PPM1E: variants seen among roughly 807,000 people sequenced by gnomAD.
PPM1E encodes protein phosphatase, Mg2+/Mn2+ dependent 1E.
In PPM1E, 20 loss-of-function variants were observed where a neutral mutation model predicts 65.9. That is an observed-to-expected ratio of 0.30 (90% CI 0.21 to 0.44). The LOEUF (loss-of-function observed/expected upper bound fraction) is 0.44, where lower values mean the gene tolerates loss of function less well. Among genes scored for constraint, PPM1E ranks in the 20% least tolerant of loss-of-function variants. The probability of loss-of-function intolerance (pLI) is 1.00; values close to 1 mark genes in which losing one functional copy is unlikely to be tolerated. For synonymous variants in PPM1E, 352 were observed against 374.9 expected, an observed-to-expected ratio of 0.94 and a Z score of 0.70; for missense variants, 713 against 953.1, an observed-to-expected ratio of 0.75 and a Z score of 3.32.
chr17:58,967,877 C>T (rs1251944323), intron 3 of PPM1E, among the ~76,000 whole-genome samples: 1 of 151,394 alleles, frequency 6.6e-6, no homozygotes, highest in Non-Finnish European at 1.5e-5. Context: ...GATCTCGACT[C>T]ACTGCAACCT....
At chr17:58,885,838 C>A (rs1192130704) in intron 1 of PPM1E, among the ~76,000 whole-genome samples, 2 of 152,206 alleles carry the variant, frequency 1.3e-5, no homozygotes, top group African/African-American at 4.8e-5. Flanking sequence ...CCAACCAAGT[C>A]AGGGGTGTAT....
chr17:58,830,766 A>G (rs1186427619), intron 1 of PPM1E, among the ~76,000 whole-genome samples: 1 of 151,002 alleles, frequency 6.6e-6, no homozygotes, highest in Non-Finnish European at 1.5e-5. Context: ...GCTCACTGCA[A>G]CCTCTGCCTC....
chr17:58,970,582 A>G (rs1190879627), intron 4 of PPM1E, among the ~76,000 whole-genome samples: 1 of 152,228 alleles, frequency 6.6e-6, no homozygotes. Context: ...TAGCATAGTT[A>G]TGCTACAAGC....
At chr17:58,954,181 C>T (rs2052281895) in intron 1 of PPM1E, among the ~76,000 whole-genome samples, 1 of 152,202 alleles carries the variant, frequency 6.6e-6, no homozygotes, top group Non-Finnish European at 1.5e-5. Context: ...GACCAAAACC[C>T]AGGACTCAGA....
intron 1 of PPM1E, among the ~76,000 whole-genome samples, chr17:58,783,256 G>A (rs1488277001): frequency 6.6e-6 from 1 of 152,162 alleles, no homozygotes; most frequent in Non-Finnish European, 1.5e-5. Context: ...GTAGCAACAA[G>A]GAGTTAACAG....
chr17:58,791,208 T>C (rs2050154710), intron 1 of PPM1E, among the ~76,000 whole-genome samples: 2 of 152,158 alleles, frequency 1.3e-5, no homozygotes, highest in African/African-American at 4.8e-5. Context: ...TGAATTGTTT[T>C]AAGCCACTAA....
intron 1 of PPM1E, among the ~76,000 whole-genome samples, chr17:58,827,911 A>AAAAAAAT (rs777546701): frequency 6.9e-4 from 100 of 144,698 alleles, no homozygotes; most frequent in African/African-American, 1.9e-3. Flanking sequence ...CAAAAAAAAA[A>AAAAAAAT]AATAATAATA....
chr17:58,863,786 C>T (rs912506430), intron 1 of PPM1E, among the ~76,000 whole-genome samples: 16 of 152,056 alleles, frequency 1.1e-4, no homozygotes, highest in African/African-American at 3.9e-4. Flanking sequence ...GTGTCCCAAC[C>T]GAACACCTCT....
intron 1 of PPM1E, among the ~76,000 whole-genome samples, chr17:58,779,008 C>T (rs1452058672): frequency 2.8e-5 from 4 of 143,076 alleles, no homozygotes; most frequent in Non-Finnish European, 6.0e-5. Flanking sequence ...CAAGTGAGCA[C>T]TTTTTAAAAT....
At chr17:58,819,873 C>T (rs2050462563) in intron 1 of PPM1E, among the ~76,000 whole-genome samples, 1 of 151,920 alleles carries the variant, frequency 6.6e-6, no homozygotes, top group African/African-American at 2.4e-5. Context: ...CCTGTCTCTA[C>T]TAAAACTACA....
rs538791992 is a variant in PPM1E, at chr17:58,858,919, T to A, written c.465-96730T>A. 3.0e-3 allele frequency among the ~76,000 whole-genome samples: 455 copies of A among 152,386 alleles called. 2 individuals are homozygous for A. Among genetic ancestry groups the A allele is most frequent in the Middle Eastern group, 0.017 (5 of 294 alleles). On this transcript the variant is annotated intron_variant, in intron 1 of 6. Transcript: ENST00000308249. ...GGAACCTCCATATTGTTCTCCAGAT[T>A]GGCTGAAAAGCCATTACATTTTTAA... is the stretch of plus-strand genomic sequence containing the variant.
intron 1 of PPM1E, among the ~76,000 whole-genome samples, chr17:58,815,880 A>G (rs2050409969): frequency 6.6e-6 from 1 of 152,130 alleles, no homozygotes. Context: ...CTATTTTCAT[A>G]TTTGAAAATA....
In PPM1E at chr17:58,938,819, G is replaced by A. The variant is rs926849454; in HGVS notation, c.465-16830G>A. On this transcript the variant is annotated intron_variant, in intron 1 of 6. Coordinates refer to ENST00000308249, the MANE Select transcript of PPM1E (RefSeq NM_014906.5). ...TTTTTTTTTTTTTTTGAGGAGTTTC[G>A]CTCTTGTTGCCTAGGCTGGAGTGCA... 9.8e-5 allele frequency among the ~76,000 whole-genome samples: 12 copies of A among 122,612 alleles called. No individual in the cohort carries two copies. The South Asian group carries it at 9.9e-4, about 10-fold the overall frequency. The allele number at this position is 122,612 out of a possible 152,430, so 80.4% of individuals were successfully genotyped here.
Position 58,982,465 on chromosome 17 carries a change from AG to A in PPM1E, c.*1437del, listed in dbSNP as rs2143843551. The A allele has an allele frequency of 6.3e-6, 1 of 158,492 alleles. No homozygotes were observed. The highest frequency in any genetic ancestry group is 2.4e-5 in the African/African-American group (1 of 41,636). The allele number at this position is 158,492 out of a possible 1,614,324, so 9.8% of individuals were successfully genotyped here. On this transcript the variant is annotated 3_prime_UTR_variant, in exon 7 of 7. Coordinates refer to ENST00000308249, the MANE Select transcript of PPM1E (RefSeq NM_014906.5). Reference sequence around the variant, plus strand: ...GGCCCCTCTGGAGTGCTCACTAACAAGGGTGAGTGCTCTCGCTAAGAAGTGT... The same window carrying A: ...GGCCCCTCTGGAGTGCTCACTAACAAGGTGAGTGCTCTCGCTAAGAAGTGT...
intron 6 of PPM1E, among the ~76,000 whole-genome samples, chr17:58,978,512 G>A (rs1031261766): frequency 2.6e-5 from 4 of 151,902 alleles, no homozygotes; most frequent in African/African-American, 7.3e-5. Flanking sequence ...GGAGTTCGAC[G>A]CCAGCCTGGC....
chr17:58,933,791 T>C (rs1024913942), intron 1 of PPM1E, among the ~76,000 whole-genome samples: 135 of 111,186 alleles, frequency 1.2e-3, no homozygotes, highest in African/African-American at 4.4e-3. Flanking sequence ...TGAAACCCTA[T>C]CTCAAAAGAA....
intron 1 of PPM1E, among the ~76,000 whole-genome samples, chr17:58,915,358 G>A (rs922635051): frequency 1.3e-5 from 2 of 152,200 alleles, no homozygotes; most frequent in African/African-American, 4.8e-5. Context: ...GTGGCAATGA[G>A]GATGACCAGA....
intron 1 of PPM1E, among the ~76,000 whole-genome samples, chr17:58,923,723 G>T (rs539851906): frequency 2.7e-5 from 4 of 150,074 alleles, no homozygotes; most frequent in Non-Finnish European, 5.9e-5. Flanking sequence ...CTCCAGCCTG[G>T]GTGACAGAGT....
At chr17:58,853,509 C>G (rs1049416251) in intron 1 of PPM1E, among the ~76,000 whole-genome samples, 1 of 152,088 alleles carries the variant, frequency 6.6e-6, no homozygotes, top group African/African-American at 2.4e-5. Context: ...GCCTTGATTA[C>G]TGTAGCTTTG....
Sources: allele counts gnomAD v4.1 joint callset (sites outside exome capture counted in the v4.1 genomes callset), GRCh38; gene constraint gnomAD v4.1.1; transcripts MANE v1.5; gene names NCBI Gene and HGNC (gene_info 2026-07-23, HGNC 2026-07-21).